The following SDCCAG8 variants were observed in gnomAD, a reference collection of about 807,000 sequenced individuals.
SDCCAG8 encodes the protein serologically defined colon cancer antigen 8.
SDCCAG8 carries 74 observed loss-of-function variants against 101.8 expected under a neutral mutation model. The ratio of observed to expected loss-of-function variants is 0.73; its 90% CI spans 0.60 to 0.88. SDCCAG8 has a LOEUF of 0.88. Ranked by LOEUF, SDCCAG8 falls within the 40% of genes least tolerant of loss-of-function variation. The pLI, the probability that SDCCAG8 is intolerant of heterozygous loss-of-function variation, is 0.00. For synonymous variants in SDCCAG8, 281 were observed against 292.9 expected, an observed-to-expected ratio of 0.96 and a Z score of 0.41; for missense variants, 787 against 822.6, an observed-to-expected ratio of 0.96 and a Z score of 0.53.
intron 15 of SDCCAG8, among the ~76,000 whole-genome samples, chr1:243,421,873 G>A (rs538534023): frequency 6.6e-6 from 1 of 152,108 alleles, no homozygotes; most frequent in South Asian, 2.1e-4. Context: ...AAATATCTTC[G>A]GTACAACTGT....
At chr1:243,443,077 C>T (rs2082652085) in intron 16 of SDCCAG8, among the ~76,000 whole-genome samples, 1 of 152,140 alleles carries the variant, frequency 6.6e-6, no homozygotes, top group Admixed American at 6.5e-5. Context: ...TTAAACAAAT[C>T]TTTCATATTT....
chr1:243,341,646 G>T (rs1201661947), intron 11 of SDCCAG8, among the ~76,000 whole-genome samples: 2 of 151,964 alleles, frequency 1.3e-5, no homozygotes, highest in African/African-American at 2.4e-5. Flanking sequence ...TTTCAGACTT[G>T]GTCATTAAAA....
chr1:243,394,446 C>T (rs1035827180), intron 13 of SDCCAG8, among the ~76,000 whole-genome samples: 19 of 152,262 alleles, frequency 1.2e-4, no homozygotes, highest in African/African-American at 4.6e-4. Flanking sequence ...AGTTCTTTGT[C>T]CTGCAGCCCT....
intron 16 of SDCCAG8, among the ~76,000 whole-genome samples, chr1:243,434,691 T>C (rs2082020783): frequency 6.6e-6 from 1 of 152,174 alleles, no homozygotes; most frequent in Non-Finnish European, 1.5e-5. Flanking sequence ...AATGAGCCAG[T>C]TGTATGCATT....
At chr1:243,437,930 G>A (rs1447367473) in intron 16 of SDCCAG8, among the ~76,000 whole-genome samples, 1 of 152,186 alleles carries the variant, frequency 6.6e-6, no homozygotes, top group Admixed American at 6.5e-5. Flanking sequence ...CCTAGGATCA[G>A]GGCAACAGGT....
chr1:243,492,116 G>GTT (rs924482907), intron 17 of SDCCAG8, among the ~76,000 whole-genome samples: 2 of 151,754 alleles, frequency 1.3e-5, no homozygotes, highest in Non-Finnish European at 2.9e-5. Context: ...TATTCTAATT[G>GTT]TTTCTGCTTG....
intron 12 of SDCCAG8, among the ~76,000 whole-genome samples, chr1:243,356,650 T>A (rs2076401787): frequency 6.6e-6 from 1 of 152,046 alleles, no homozygotes; most frequent in Admixed American, 6.5e-5. Context: ...CCATTACTGG[T>A]ATGAAAATCC....
rs991618858 is a variant in SDCCAG8 at position 243,274,711 on chromosome 1, T to C, written c.420+55T>C. ...AATAAATGAAAGCTTATATTAACTA[T>C]AGATTGTATTAAAATTTGCTGCTAT... On this transcript the variant is annotated intron_variant, in intron 4 of 17. Coordinates refer to ENST00000366541, the MANE Select transcript of SDCCAG8 (RefSeq NM_006642.5). 1.2e-5 allele frequency: 12 copies of C among 1,035,514 alleles called. No homozygotes were observed. In the Admixed American group the frequency reaches 2.0e-4, roughly 17 times the overall value. 64.1% of individuals were successfully genotyped at this position (1,035,514 alleles called of 1,614,324 possible). A position where few individuals can be genotyped will look rare whatever the true frequency, so the allele number is the denominator to read the frequency against.
chr1:243,400,131 T>C (rs981830407), intron 13 of SDCCAG8, among the ~76,000 whole-genome samples: 3 of 152,228 alleles, frequency 2.0e-5, no homozygotes, highest in African/African-American at 7.2e-5. Context: ...TTTTGGAAAG[T>C]TGTATTCAAC....
intron 14 of SDCCAG8, 143 bp downstream of exon 14, chr1:243,415,972 C>A: frequency 1.1e-6 from 1 of 951,534 alleles, no homozygotes; most frequent in Non-Finnish European, 1.6e-6. Context: ...TTCCGAATTA[C>A]ATATTAGTTA....
intron 13 of SDCCAG8, 147 bp from the exon 14 acceptor site, chr1:243,415,554 TA>T: frequency 9.6e-7 from 1 of 1,041,246 alleles, no homozygotes; most frequent in Non-Finnish European, 1.5e-6. Flanking sequence ...ATCTTCCCCC[TA>T]AAGTGGGGGA....
intron 16 of SDCCAG8, among the ~76,000 whole-genome samples, chr1:243,459,199 T>G (rs1232337212): frequency 6.6e-6 from 1 of 152,206 alleles, no homozygotes; most frequent in African/African-American, 2.4e-5. Flanking sequence ...ACAATAGTCT[T>G]TCAAGGTTTC....
intron 12 of SDCCAG8, among the ~76,000 whole-genome samples, chr1:243,363,462 A>G (rs940624701): frequency 1.3e-5 from 2 of 152,172 alleles, no homozygotes; most frequent in Admixed American, 1.3e-4. Context: ...GGCAGGATAT[A>G]AACCCGTGTT....
chr1:243,336,880 A>G (rs1441235084), intron 10 of SDCCAG8, among the ~76,000 whole-genome samples: 1 of 151,740 alleles, frequency 6.6e-6, no homozygotes, highest in Non-Finnish European at 1.5e-5. Context: ...TACTTTCTTT[A>G]TAGATTCTGG....
chr1:243,265,976 T>G (rs2067555049), intron 1 of SDCCAG8, among the ~76,000 whole-genome samples: 1 of 152,202 alleles, frequency 6.6e-6, no homozygotes, highest in South Asian at 2.1e-4. Flanking sequence ...TCCCTTGCCT[T>G]AGAGGTGAAG....
At chr1:243,422,866 G>C (rs1247776523) in intron 15 of SDCCAG8, among the ~76,000 whole-genome samples, 1 of 152,110 alleles carries the variant, frequency 6.6e-6, no homozygotes, top group Non-Finnish European at 1.5e-5. Flanking sequence ...AAATACAGGG[G>C]AAAGTTCATG....
intron 9 of SDCCAG8, among the ~76,000 whole-genome samples, chr1:243,328,103 C>T (rs1008438940): frequency 2.6e-5 from 4 of 151,992 alleles, no homozygotes; most frequent in Non-Finnish European, 5.9e-5. Context: ...AGAGTTTCAC[C>T]GTGTTAGCCA....
intron 13 of SDCCAG8, among the ~76,000 whole-genome samples, chr1:243,400,606 G>A (rs757266778): frequency 1.4e-4 from 21 of 152,150 alleles, no homozygotes; most frequent in African/African-American, 3.1e-4. Context: ...CCAGAGTCAC[G>A]TTCCAAGTTC....
intron 9 of SDCCAG8, among the ~76,000 whole-genome samples, chr1:243,319,681 A>G (rs1313899503): frequency 6.6e-6 from 1 of 152,056 alleles, no homozygotes; most frequent in Non-Finnish European, 1.5e-5. Flanking sequence ...CCCCTTTTTA[A>G]AAGTTTTAAC....
Sources: gnomAD v4.1 joint callset for allele counts (sites outside exome capture counted in the v4.1 genomes callset) on GRCh38, gnomAD v4.1.1 for gene constraint, MANE v1.5 for transcripts, NCBI Gene and HGNC (gene_info 2026-07-23, HGNC 2026-07-21) for gene names.